Variants in PI4KA observed in about 807,000 individuals in gnomAD.
PI4KA encodes the protein phosphatidylinositol 4-kinase alpha.
A neutral mutation model predicts 271.4 loss-of-function variants in PI4KA; 122 were observed. The ratio of observed to expected loss-of-function variants is 0.45; its 90% CI spans 0.39 to 0.52. The LOEUF is 0.52. Ranked by LOEUF, PI4KA falls within the 20% of genes least tolerant of loss-of-function variation. PI4KA has a pLI of 0.00. For synonymous variants in PI4KA, 1,041 were observed against 1,078.8 expected (o/e 0.96, Z 0.69); for missense variants, 1,969 against 2,769.1 (o/e 0.71, Z 6.48).
Position 20,752,977 on chromosome 22 carries a change from C to A in PI4KA, c.2913G>T (p.Leu971=), listed in dbSNP as rs1202827066. The A allele has an allele frequency of 2.5e-6, 4 of 1,614,088 alleles. No homozygotes were observed. The highest frequency in any genetic ancestry group is 3.4e-6 in the Non-Finnish European group (4 of 1,180,020). The change falls in exon 25 of 55, where the codon CTG becomes CTT. Residue 971 remains leucine (L), a synonymous_variant. Coordinates refer to ENST00000255882, the MANE Select transcript of PI4KA (RefSeq NM_058004.4). The part of the protein sequence containing the change: ...EEELERHAQF[L]LVNFNHIHKR... ...TGTGGATGTGGTTGAAGTTCACCAA[C>A]AGGAACTGAGCGTGCCGCTCCAGCT...
At chr22:20,808,599 A>AG (rs1349508254) in intron 9 of PI4KA, among the ~76,000 whole-genome samples, 1 of 152,052 alleles carries the variant, frequency 6.6e-6, no homozygotes, top group East Asian at 1.9e-4. Context: ...CAAAAAAAAA[A>AG]AAAAAAAGAT....
chr22:20,815,006 A>T (rs165898), intron 7 of PI4KA, among the ~76,000 whole-genome samples: 84,171 of 151,808 alleles, frequency 0.55, 25,342 homozygotes, highest in African/African-American at 0.8. Flanking sequence ...AAATAAAATT[A>T]TTTTAAATTA....
At chr22:20,724,010 T>C (rs1205008262) in intron 42 of PI4KA, among the ~76,000 whole-genome samples, 1 of 151,678 alleles carries the variant, frequency 6.6e-6, no homozygotes, top group African/African-American at 2.4e-5. Context: ...GGCTAATTTT[T>C]TGCATTTTTA....
chr22:20,814,736 A>C lies in PI4KA; in HGVS notation c.857-1230T>G, dbSNP rs1323097114. 2.0e-5 allele frequency among the ~76,000 whole-genome samples: 3 copies of C among 152,092 alleles called. No individual in the cohort carries two copies. The East Asian group carries it at 5.8e-4, about 29-fold the overall frequency. ...TGCACTCCAGTCTGGGTAACAGAGT[A>C]AAATCCTGTATTAAAAAAAAAAAAT... On this transcript the variant is annotated intron_variant, in intron 7 of 54. Coordinates refer to ENST00000255882, the MANE Select transcript of PI4KA (RefSeq NM_058004.4).
At chr22:20,851,708 G>A (rs1927002024) in intron 1 of PI4KA, among the ~76,000 whole-genome samples, 1 of 152,148 alleles carries the variant, frequency 6.6e-6, no homozygotes, top group African/African-American at 2.4e-5. Context: ...AAAAGAGAAT[G>A]GCTTCTGCAG....
At position 20,714,659 on chromosome 22, in the gene PI4KA, T is replaced by C. The variant is rs772605979; in HGVS notation, c.5359A>G (p.Ile1787Val). 1.3e-5 allele frequency: 21 copies of C among 1,613,866 alleles called. No individual in the cohort carries two copies. Among genetic ancestry groups the C allele is most frequent in the South Asian group, 5.5e-5 (5 of 91,076 alleles). ...ATCGGGGTCCCAGACTTGTAGTCGA[T>C]GTCCAGCACAATGGCCTCAGGGTTG... ...PSNPEAIVLD[I>V]DYKSGTPMQS... Residue 1787 changes from isoleucine to valine, a missense_variant, in exon 46 of 55, where the codon ATC (isoleucine) becomes GTC (valine). Transcript: ENST00000255882.
At chr22:20,779,332 C>T (rs762486261) in intron 19 of PI4KA, 1 of 1,614,198 alleles carries the variant, frequency 6.2e-7, no homozygotes, top group Non-Finnish European at 8.5e-7. Context: ...TCATTAAACG[C>T]ACTTCTCATT....
At chr22:20,815,997 T>C (rs374001716) in intron 7 of PI4KA, among the ~76,000 whole-genome samples, 3 of 151,798 alleles carry the variant, frequency 2.0e-5, no homozygotes, top group Non-Finnish European at 4.4e-5. Flanking sequence ...TGCAGTGCAG[T>C]GTCACGATGT....
chr22:20,724,080 C>T (rs531112612), intron 42 of PI4KA, among the ~76,000 whole-genome samples: 6 of 151,922 alleles, frequency 3.9e-5, no homozygotes, highest in African/African-American at 7.2e-5. Flanking sequence ...CCTCGTGATC[C>T]GCCCGCCTCA....
chr22:20,847,167 A>T lies in PI4KA; in HGVS notation c.157-8436T>A, dbSNP rs561287118. On this transcript the variant is annotated intron_variant, in intron 1 of 54. Coordinates refer to ENST00000255882, the MANE Select transcript of PI4KA (RefSeq NM_058004.4). ...CATCTCAAAAAAAAAAAAAAAAAGTAATAGCTAATGGATGCTGGGCTTAAT... is the reference window on the plus strand; with the variant it reads ...CATCTCAAAAAAAAAAAAAAAAAGTTATAGCTAATGGATGCTGGGCTTAAT... 3.3e-5 allele frequency among the ~76,000 whole-genome samples: 5 copies of T among 151,844 alleles called. No individual in the cohort carries two copies. The East Asian group carries it at 9.8e-4, about 30-fold the overall frequency.
intron 19 of PI4KA, chr22:20,784,178 ATGAAGAC>A: frequency 1.2e-6 from 2 of 1,614,198 alleles, no homozygotes; most frequent in South Asian, 2.2e-5. Context: ...GATGTCTGGG[ATGAAGAC>A]CCTCGAAGCG....
At chr22:20,747,486 T>G in intron 29 of PI4KA, 97 bp downstream of exon 29, 1 of 1,305,216 alleles carries the variant, frequency 7.7e-7, no homozygotes, top group South Asian at 1.4e-5. Context: ...TGTACTCATG[T>G]GCGTCATGAA....
Position 20,834,564 on chromosome 22 carries a change from C to T in PI4KA, c.365G>A (p.Arg122Lys). ...WVEESTARKG[R>K]GALPVAESFS... Reference sequence around the variant, plus strand: ...GGGAAAACATTATATACAATTACCTCTGCCTTTCCGAGCTGTGCTTTCTTC... The same window carrying T: ...GGGAAAACATTATATACAATTACCTTTGCCTTTCCGAGCTGTGCTTTCTTC... The change falls in exon 3 of 55, where the codon AGA becomes AAA. Residue 122 changes from arginine to lysine, a missense_variant and splice_region_variant. Physicochemically the swap from Arg to Lys is conservative, Grantham distance 26 (BLOSUM62 2). Coordinates refer to ENST00000255882, the MANE Select transcript of PI4KA (RefSeq NM_058004.4). 6.3e-7 allele frequency: 1 copy of T among 1,576,416 alleles called. No homozygotes were observed. Among genetic ancestry groups the T allele is most frequent in the Middle Eastern group, 1.7e-4 (1 of 5,994 alleles).
chr22:20,833,657 G>GTTTTTTTT (rs361962), intron 3 of PI4KA, among the ~76,000 whole-genome samples: 10 of 73,038 alleles, frequency 1.4e-4, no homozygotes, highest in Admixed American at 1.7e-4. Context: ...GTTTGTTTTT[G>GTTTTTTTT]TTTTTTTTTT....
chr22:20,830,487 C>T (rs539933188), intron 3 of PI4KA, among the ~76,000 whole-genome samples: 2 of 151,996 alleles, frequency 1.3e-5, no homozygotes, highest in African/African-American at 4.8e-5. Flanking sequence ...TTCCATTTTC[C>T]ATTTGCTTGG....
At chr22:20,786,260 G>T in intron 19 of PI4KA, 1 of 1,205,338 alleles carries the variant, frequency 8.3e-7, no homozygotes, top group Non-Finnish European at 1.2e-6. Context: ...AGCTTGGGGT[G>T]CTGAGTCTGC....
chr22:20,764,871 A>G lies in PI4KA; in HGVS notation c.2654T>C (p.Leu885Pro), dbSNP rs1427398671. ...PPEVSALINK[L>P]DFAMSTYLLS... ...GAGGTAGGTGGACATGGCGAAGTCCAGCTTGTTGATGAGTGCGGACACCTC... is the reference window on the plus strand; with the variant it reads ...GAGGTAGGTGGACATGGCGAAGTCCGGCTTGTTGATGAGTGCGGACACCTC... Residue 885 changes from leucine to proline, a missense_variant, in exon 22 of 55, where the codon CTG becomes CCG. By Grantham distance (98) the Leu-to-Pro change is moderately conservative. This residue lies in a region of PI4KA where 368 missense variants were observed against 544.3 expected (regional missense o/e 0.68). Coordinates refer to ENST00000255882, the MANE Select transcript of PI4KA (RefSeq NM_058004.4). The G allele has an allele frequency of 6.2e-7, 1 of 1,613,614 alleles. No homozygotes were observed. The highest frequency in any genetic ancestry group is 1.3e-5 in the African/African-American group (1 of 74,904).
At chr22:20,757,474 T>C (rs1041830978) in intron 23 of PI4KA, among the ~76,000 whole-genome samples, 1 of 151,892 alleles carries the variant, frequency 6.6e-6, no homozygotes, top group African/African-American at 2.4e-5. Context: ...GAATGAGACA[T>C]CTCACTTCAG....
intron 42 of PI4KA, chr22:20,725,286 G>A (rs1011202468): frequency 3.9e-5 from 8 of 203,028 alleles, no homozygotes; most frequent in Middle Eastern, 2.0e-3. Flanking sequence ...GCAGGCTGGC[G>A]CGAGGGCAGA....
Sources: gnomAD v4.1 joint callset for allele counts (sites outside exome capture counted in the v4.1 genomes callset) on GRCh38, gnomAD v4.1.1 for gene constraint, gnomAD v4.1.1 regional missense constraint, MANE v1.5 for transcripts, NCBI Gene and HGNC (gene_info 2026-07-23, HGNC 2026-07-21) for gene names.